The following GLCE variants were observed in gnomAD, a reference collection of about 807,000 sequenced individuals.
GLCE encodes glucuronic acid epimerase, also known as D-glucuronyl C5-epimerase.
Under a neutral mutation model 47.9 loss-of-function variants are expected in GLCE, and 19 were observed. That is an observed-to-expected ratio of 0.40 (90% CI 0.28 to 0.58). The LOEUF (loss-of-function observed/expected upper bound fraction) is 0.58. Among genes scored for constraint, GLCE ranks in the 20% least tolerant of loss-of-function variants. GLCE has a pLI of 0.48. For synonymous variants in GLCE, 245 were observed against 263.4 expected, an observed-to-expected ratio of 0.93 and a Z score of 0.68; for missense variants, 556 against 743.3, an observed-to-expected ratio of 0.75 and a Z score of 2.93.
At chr15:69,237,412 T>A (rs2052607914) in intron 2 of GLCE, among the ~76,000 whole-genome samples, 1 of 152,050 alleles carries the variant, frequency 6.6e-6, no homozygotes, top group Non-Finnish European at 1.5e-5. Context: ...CTGGCCAACA[T>A]GGTTAAACCC....
intron 3 of GLCE, among the ~76,000 whole-genome samples, chr15:69,259,765 G>A (rs1296969278): frequency 2.0e-5 from 3 of 152,116 alleles, no homozygotes; most frequent in Non-Finnish European, 4.4e-5. Flanking sequence ...TTTATTAATT[G>A]ATAATAATTC....
At chr15:69,172,583 A>G (rs1459739363) in intron 1 of GLCE, among the ~76,000 whole-genome samples, 1 of 127,082 alleles carries the variant, frequency 7.9e-6, no homozygotes, top group Non-Finnish European at 1.8e-5. Context: ...GGTTATACAT[A>G]TAGCATTTGA....
chr15:69,164,211 C>A (rs1266783940), intron 1 of GLCE, among the ~76,000 whole-genome samples: 1 of 151,930 alleles, frequency 6.6e-6, no homozygotes, highest in East Asian at 1.9e-4. Context: ...AGCATACGAA[C>A]CATACAAATA....
At chr15:69,226,173 G>T (rs1180469094) in intron 2 of GLCE, among the ~76,000 whole-genome samples, 2 of 152,000 alleles carry the variant, frequency 1.3e-5, no homozygotes, top group African/African-American at 4.8e-5. Context: ...CCTACCTTTA[G>T]GTGAATTGAG....
At chr15:69,230,479 T>C (rs949157027) in intron 2 of GLCE, among the ~76,000 whole-genome samples, 2 of 152,180 alleles carry the variant, frequency 1.3e-5, no homozygotes, top group Non-Finnish European at 2.9e-5. Flanking sequence ...TATACAATTA[T>C]AGTTGGGGTC....
In GLCE at chr15:69,191,495, C is replaced by G. The variant is rs914970486; in HGVS notation, c.-104-18821C>G. On this transcript the variant is annotated intron_variant, in intron 1 of 4. Coordinates refer to ENST00000261858, the MANE Select transcript of GLCE (RefSeq NM_015554.3). The stretch of plus-strand genomic sequence containing the variant: ...CAAGGCACAAGCTTACACGAATCTT[C>G]TCCCAGTGGAATCATGCAGGATACA... Among the ~76,000 whole-genome samples the G allele has an allele frequency of 4.2e-4, 64 of 152,128 alleles. 2 individuals carry two copies. Among genetic ancestry groups the G allele is most frequent in the Admixed American group, 4.2e-3 (64 of 15,252 alleles).
intron 4 of GLCE, among the ~76,000 whole-genome samples, chr15:69,267,312 C>A (rs1055604791): frequency 5.9e-5 from 9 of 152,164 alleles, no homozygotes; most frequent in Non-Finnish European, 1.3e-4. Flanking sequence ...CTCACAATTA[C>A]CCTGCAAAGT....
intron 1 of GLCE, among the ~76,000 whole-genome samples, chr15:69,167,801 AAG>A (rs1013932317): frequency 2.0e-5 from 3 of 151,892 alleles, no homozygotes; most frequent in Non-Finnish European, 4.4e-5. Flanking sequence ...ATGGTGTAGA[AAG>A]AGAAAAAGAC....
chr15:69,200,742 AC>A (rs1180724603), intron 1 of GLCE, among the ~76,000 whole-genome samples: 5 of 152,128 alleles, frequency 3.3e-5, no homozygotes, highest in Non-Finnish European at 7.4e-5. Flanking sequence ...TTCTATTGCT[AC>A]CATCATAAAT....
chr15:69,193,673 G>T (rs555000952), intron 1 of GLCE, among the ~76,000 whole-genome samples: 37 of 151,958 alleles, frequency 2.4e-4, no homozygotes, highest in African/African-American at 8.9e-4. Context: ...GGCGCCTAAG[G>T]TACAAAATTT....
chr15:69,170,453 AAC>A (rs1422059155), intron 1 of GLCE, among the ~76,000 whole-genome samples: 2 of 152,184 alleles, frequency 1.3e-5, no homozygotes, highest in Admixed American at 6.5e-5. Flanking sequence ...AGCCATTGTT[AAC>A]AGTTTTTTAT....
chr15:69,246,816 C>T (rs2140426304), intron 2 of GLCE, among the ~76,000 whole-genome samples: 1 of 152,188 alleles, frequency 6.6e-6, no homozygotes, highest in East Asian at 1.9e-4. Context: ...GCATTAATCT[C>T]GTTGTACATC....
intron 1 of GLCE, among the ~76,000 whole-genome samples, chr15:69,190,002 A>G (rs762948797): frequency 1.3e-5 from 2 of 151,996 alleles, no homozygotes; most frequent in Non-Finnish European, 2.9e-5. Flanking sequence ...GGCCCCAACT[A>G]ATTTCCTAAA....
chr15:69,170,020 C>G (rs957828429), intron 1 of GLCE, among the ~76,000 whole-genome samples: 19 of 152,084 alleles, frequency 1.2e-4, no homozygotes, highest in Non-Finnish European at 2.2e-4. Context: ...AGTACATAAT[C>G]TTTCTCCCTA....
At chr15:69,174,044 A>T (rs976637729) in intron 1 of GLCE, among the ~76,000 whole-genome samples, 1 of 152,000 alleles carries the variant, frequency 6.6e-6, no homozygotes, top group Non-Finnish European at 1.5e-5. Context: ...TTTTGTAGAG[A>T]TGGGGCTTTG....
intron 1 of GLCE, among the ~76,000 whole-genome samples, chr15:69,163,503 C>G (rs1199147065): frequency 6.6e-6 from 1 of 152,060 alleles, no homozygotes; most frequent in Non-Finnish European, 1.5e-5. Context: ...AATAAGAAAC[C>G]AAGCAAAATA....
chr15:69,163,628 C>T (rs1010631946), intron 1 of GLCE, among the ~76,000 whole-genome samples: 2 of 152,130 alleles, frequency 1.3e-5, no homozygotes, highest in African/African-American at 4.8e-5. Context: ...ATACAAAAGC[C>T]TATAAGGATA....
chr15:69,256,179 G>A lies in GLCE; in HGVS notation c.373G>A (p.Glu125Lys), dbSNP rs139747056. The change falls in exon 3 of 5, where the codon GAA becomes AAA. Residue 125 changes from glutamate (E) to lysine (K), a missense_variant. By Grantham distance (56) the Glu-to-Lys change is moderately conservative (BLOSUM62 1). This residue lies in a region of GLCE where 237 missense variants were observed against 310.9 expected (regional missense o/e 0.76). Coordinates refer to ENST00000261858, the MANE Select transcript of GLCE (RefSeq NM_015554.3). The part of the protein sequence containing the change: ...HTIKGRREGN[E>K]VFLPFTWVEK... ...AATTAAAGGGAGACGAGAGGGGAAC[G>A]AAGTCTTTCTTCCATTCACTTGGGT... 8.7e-6 allele frequency: 14 copies of A among 1,613,910 alleles called. No homozygotes were observed. Among genetic ancestry groups the A allele is most frequent in the South Asian group, 6.6e-5 (6 of 91,084 alleles).
At chr15:69,209,975 C>T (rs2052207964) in intron 1 of GLCE, among the ~76,000 whole-genome samples, 1 of 151,980 alleles carries the variant, frequency 6.6e-6, no homozygotes, top group Non-Finnish European at 1.5e-5. Context: ...GAGAAAAAAA[C>T]GGGGGGATTT....
Sources: gnomAD v4.1 joint callset for allele counts (sites outside exome capture counted in the v4.1 genomes callset) on GRCh38, gnomAD v4.1.1 for gene constraint, gnomAD v4.1.1 regional missense constraint, MANE v1.5 for transcripts, NCBI Gene and HGNC (gene_info 2026-07-23, HGNC 2026-07-21) for gene names.